The following PTPN5 variants were observed in gnomAD, a reference collection of about 807,000 sequenced individuals.
PTPN5 encodes tyrosine-protein phosphatase non-receptor type 5.
In PTPN5, 29 loss-of-function variants were observed where a neutral mutation model predicts 73.9. That is an observed-to-expected ratio of 0.39 (90% CI 0.29 to 0.54). PTPN5 has a LOEUF of 0.54. Among genes scored for constraint, PTPN5 ranks in the 20% least tolerant of loss-of-function variants. The probability of loss-of-function intolerance (pLI) is 0.65; values close to 1 mark genes in which losing one functional copy is unlikely to be tolerated. For missense variants in PTPN5, 652 were observed against 751.4 expected (o/e 0.87, Z 1.55); for synonymous variants, 267 against 304.7 (o/e 0.88, Z 1.29).
chr11:18,742,004 A>G lies in PTPN5; in HGVS notation c.725+258T>C, dbSNP rs1005517047. 3.9e-5 allele frequency among the ~76,000 whole-genome samples: 6 copies of G among 152,236 alleles called. No homozygotes were observed. The highest frequency in any genetic ancestry group is 1.3e-4 in the Admixed American group (2 of 15,286). Reference sequence around the variant, plus strand: ...AGTCCTGCAGCAAAGAAAACCACCCAAACTTACTTGAGCATGGGAGAGTGT... The same window carrying G: ...AGTCCTGCAGCAAAGAAAACCACCCGAACTTACTTGAGCATGGGAGAGTGT... On this transcript the variant is annotated intron_variant, in intron 7 of 14. Coordinates refer to ENST00000358540, the MANE Select transcript of PTPN5 (RefSeq NM_006906.2). This position sits in a 1 kb window ranked among gnomAD's most constrained non-coding sequence, Gnocchi z 4.1.
chr11:18,755,060 T>G, intron 3 of PTPN5, among the ~76,000 whole-genome samples: 1 of 152,180 alleles, frequency 6.6e-6, no homozygotes, highest in East Asian at 1.9e-4. Flanking sequence ...ACTTCCATCT[T>G]GGACACACTC....
chr11:18,776,576 T>C (rs748558689), intron 1 of PTPN5, among the ~76,000 whole-genome samples: 10 of 152,102 alleles, frequency 6.6e-5, no homozygotes, highest in Non-Finnish European at 1.0e-4. Context: ...TATGACATCA[T>C]TCACCTCTCA....
At position 18,742,594 on chromosome 11, in the gene PTPN5, C is replaced by T; in HGVS notation, c.484-91G>A. On this transcript the variant is annotated intron_variant, in intron 6 of 14. Coordinates refer to ENST00000358540, the MANE Select transcript of PTPN5 (RefSeq NM_006906.2). This position sits in a 1 kb window ranked among gnomAD's most constrained non-coding sequence, Gnocchi z 4.1. ...CCCATGGGATTGACGCCCCCCCACT[C>T]CCTCAGTGTGTCTAGAGCAGCTCTG... The T allele has an allele frequency of 6.5e-7, 1 of 1,538,120 alleles. No homozygotes were observed.
At chr11:18,758,479 T>C (rs1451081586) in intron 3 of PTPN5, among the ~76,000 whole-genome samples, 1 of 152,196 alleles carries the variant, frequency 6.6e-6, no homozygotes, top group Non-Finnish European at 1.5e-5. Flanking sequence ...TGTGTTCAGC[T>C]GAATGAGTGA....
At chr11:18,766,231 GATC>G (rs1349076440) in intron 2 of PTPN5, among the ~76,000 whole-genome samples, 1 of 152,154 alleles carries the variant, frequency 6.6e-6, no homozygotes, top group Non-Finnish European at 1.5e-5. Flanking sequence ...ATGAATGAGG[GATC>G]ATTAAACAGG....
intron 8 of PTPN5, among the ~76,000 whole-genome samples, chr11:18,738,972 C>CAAAAAAAA (rs375555659): frequency 4.3e-5 from 3 of 70,080 alleles, no homozygotes; most frequent in Non-Finnish European, 8.9e-5. Context: ...AACCCTGTCT[C>CAAAAAAAA]AAAAAAAAAA....
chr11:18,737,049 C>A (rs1849144858), intron 9 of PTPN5, among the ~76,000 whole-genome samples: 1 of 152,196 alleles, frequency 6.6e-6, no homozygotes, highest in Admixed American at 6.5e-5. Context: ...ATGCTGATGG[C>A]AAAACTGCTT....
At chr11:18,737,728 C>G in intron 9 of PTPN5, 152 bp downstream of exon 9, 2 of 675,090 alleles carry the variant, frequency 3.0e-6, no homozygotes, top group East Asian at 5.4e-5. Context: ...ACCAGGGCAG[C>G]GCTTCCCTTC....
rs899596729 is a variant in PTPN5 at position 18,734,325 on chromosome 11, CAT to C, written c.1001-692_1001-691del. ...GTTTTTTTTCCTTTCAATTTATTCA[CAT>C]GTCAAATCCCATAGTAAAAGGGTCT... is the stretch of plus-strand genomic sequence containing the variant. On this transcript the variant is annotated intron_variant, in intron 9 of 14. Transcript: ENST00000358540. 1.0e-3 allele frequency among the ~76,000 whole-genome samples: 155 copies of C among 152,164 alleles called. 2 individuals carry two copies. Among genetic ancestry groups the C allele is most frequent in the Non-Finnish European group, 1.5e-3 (99 of 68,004 alleles).
intron 3 of PTPN5, among the ~76,000 whole-genome samples, chr11:18,754,951 C>A (rs1256835133): frequency 6.6e-6 from 1 of 152,184 alleles, no homozygotes; most frequent in African/African-American, 2.4e-5. Context: ...CATCCTTGTG[C>A]AGTCCCTCCT....
intron 3 of PTPN5, among the ~76,000 whole-genome samples, chr11:18,749,729 C>T (rs1384940534): frequency 6.6e-6 from 1 of 152,150 alleles, no homozygotes; most frequent in African/African-American, 2.4e-5. Flanking sequence ...TCTCCTGTCA[C>T]CCGGCTCCCA....
At chr11:18,770,888 G>C (rs1850858551) in intron 2 of PTPN5, among the ~76,000 whole-genome samples, 1 of 152,204 alleles carries the variant, frequency 6.6e-6, no homozygotes, top group African/African-American at 2.4e-5. Flanking sequence ...GCTGCCGTGG[G>C]CTGGGTGAAG....
chr11:18,771,890 G>A, intron 2 of PTPN5, 49 bp downstream of exon 2: 2 of 1,558,036 alleles, frequency 1.3e-6, no homozygotes, highest in Non-Finnish European at 1.8e-6. Context: ...AGAAGGCTTG[G>A]CCTCCTCAGT....
At chr11:18,764,813 C>T (rs908488335) in intron 3 of PTPN5, among the ~76,000 whole-genome samples, 20 of 152,116 alleles carry the variant, frequency 1.3e-4, no homozygotes, top group African/African-American at 4.3e-4. Context: ...TCTGGGTTCA[C>T]GCCATCCTCC....
chr11:18,787,254 T>C, intron 1 of PTPN5, among the ~76,000 whole-genome samples: 1 of 152,278 alleles, frequency 6.6e-6, no homozygotes, highest in Non-Finnish European at 1.5e-5. Context: ...TGGTATAATA[T>C]CTTTATTTAT....
At chr11:18,763,218 G>A (rs1218142119) in intron 3 of PTPN5, among the ~76,000 whole-genome samples, 1 of 152,194 alleles carries the variant, frequency 6.6e-6, no homozygotes, top group Non-Finnish European at 1.5e-5. Flanking sequence ...CAGGCACAGG[G>A]ACGTTGTCTA....
chr11:18,739,089 C>A (rs1403208466), intron 8 of PTPN5, among the ~76,000 whole-genome samples: 3 of 152,138 alleles, frequency 2.0e-5, no homozygotes, highest in Non-Finnish European at 4.4e-5. Context: ...ACCAGCTTAG[C>A]CCCTGACTGC....
intron 9 of PTPN5, among the ~76,000 whole-genome samples, chr11:18,734,111 CT>C (rs140019492): frequency 0.054 from 8,234 of 152,228 alleles, 265 homozygotes; most frequent in Middle Eastern, 0.1. Context: ...CTTGCTTGGG[CT>C]GTTGGGAAGA....
At chr11:18,771,005 C>T (rs1850868028) in intron 2 of PTPN5, among the ~76,000 whole-genome samples, 1 of 152,136 alleles carries the variant, frequency 6.6e-6, no homozygotes, top group Non-Finnish European at 1.5e-5. Flanking sequence ...CAGCTTTGCC[C>T]AGGACTTATG....
Sources: allele counts gnomAD v4.1 joint callset (sites outside exome capture counted in the v4.1 genomes callset), GRCh38; gene constraint gnomAD v4.1.1; non-coding constraint Gnocchi (gnomAD v3.1); transcripts MANE v1.5; gene names NCBI Gene and HGNC (gene_info 2026-07-23, HGNC 2026-07-21).